The following NRG2 variants were observed in gnomAD, a reference collection of about 807,000 sequenced individuals.
NRG2 encodes the protein neuregulin 2, also known as pro-neuregulin-2, membrane-bound isoform.
Under a neutral mutation model 73.9 loss-of-function variants are expected in NRG2, and 27 were observed. The observed-to-expected ratio is 0.37, with a 90% CI of 0.27 to 0.50. The LOEUF (loss-of-function observed/expected upper bound fraction) is 0.50. Among genes scored for constraint, NRG2 ranks in the 20% least tolerant of loss-of-function variants. The probability of loss-of-function intolerance (pLI) is 0.96; values close to 1 mark genes in which losing one functional copy is unlikely to be tolerated. For synonymous variants in NRG2, 532 were observed against 541.0 expected (o/e 0.98, Z 0.23); for missense variants, 1,126 against 1,210.1 (o/e 0.93, Z 1.03).
chr5:139,967,361 C>A (rs1401124510), intron 1 of NRG2, among the ~76,000 whole-genome samples: 1 of 152,200 alleles, frequency 6.6e-6, no homozygotes, highest in Non-Finnish European at 1.5e-5. Context: ...GACACACATA[C>A]CTCCTCCGCA....
intron 2 of NRG2, among the ~76,000 whole-genome samples, chr5:139,882,623 T>A (rs1299531425): frequency 6.6e-6 from 1 of 151,962 alleles, no homozygotes; most frequent in African/African-American, 2.4e-5. Context: ...TGCCACAAAC[T>A]CCAGCTTGCC....
Position 140,042,392 on chromosome 5 carries a change from GC to G in NRG2, c.677del (p.Gly226AlafsTer14). The G allele has an allele frequency of 6.3e-7, 1 of 1,588,090 alleles. No homozygotes were observed. The highest frequency in any genetic ancestry group is 1.1e-5 in the South Asian group (1 of 87,692). The stretch of plus-strand genomic sequence containing the variant: ...CACCGCAGTCAGTGCACAGGATCTT[GC>G]CCACCTCTTTCTTGAGATTTTTGCC... Reference protein sequence around the residue: ...TNGKNLKKEVGKILCTDCATR... With the variant: ...TNGKNLKKEVXKILCTDCATR... On this transcript the variant is annotated frameshift_variant, in exon 1 of 10. Transcript: ENST00000361474. LOFTEE classifies it high-confidence loss of function.
In NRG2 at chr5:139,928,263, C is replaced by T. The variant is rs143130107; in HGVS notation, c.701-40752G>A. ...TCTTGCCCCATAAGAGCAATGAGCC[C>T]AGGCATCCTGATAGCCTTCTCAGGA... On this transcript the variant is annotated intron_variant, in intron 1 of 9. Coordinates refer to ENST00000361474, the MANE Select transcript of NRG2 (RefSeq NM_004883.3). Among the ~76,000 whole-genome samples the T allele has an allele frequency of 1.2e-3, 181 of 152,304 alleles. 1 individual carries two copies. The highest frequency in any genetic ancestry group is 4.1e-3 in the African/African-American group (172 of 41,570).
At chr5:139,885,687 G>A (rs931819524) in intron 2 of NRG2, among the ~76,000 whole-genome samples, 1 of 151,954 alleles carries the variant, frequency 6.6e-6, no homozygotes, top group Non-Finnish European at 1.5e-5. Context: ...GGAGTGAGTT[G>A]GTGGTACCAG....
chr5:139,862,911 G>T (rs1762247124), intron 5 of NRG2, among the ~76,000 whole-genome samples: 1 of 152,216 alleles, frequency 6.6e-6, no homozygotes, highest in Non-Finnish European at 1.5e-5. Context: ...GCAGTCACAG[G>T]CTCTTTCTTT....
chr5:139,980,131 C>T (rs750897154), intron 1 of NRG2, among the ~76,000 whole-genome samples: 3 of 152,122 alleles, frequency 2.0e-5, no homozygotes, highest in Admixed American at 1.3e-4. Context: ...CCAGGACATC[C>T]GGAGGCAGAT....
intron 1 of NRG2, among the ~76,000 whole-genome samples, chr5:139,957,714 G>C (rs1754743483): frequency 1.3e-5 from 2 of 152,206 alleles, no homozygotes. Flanking sequence ...GATCGAGGAA[G>C]AGCAATTGAA....
At chr5:139,945,091 T>A in intron 1 of NRG2, among the ~76,000 whole-genome samples, 1 of 152,160 alleles carries the variant, frequency 6.6e-6, no homozygotes, top group Non-Finnish European at 1.5e-5. Context: ...GCCCATTTTT[T>A]AATCGAACTG....
rs371711533 is a variant in NRG2, at chr5:139,952,935, G to T, written c.701-65424C>A. On this transcript the variant is annotated intron_variant, in intron 1 of 9. Transcript: ENST00000361474. The stretch of plus-strand genomic sequence containing the variant: ...ATGGAGGGCAAGCTCCCCTGGGTGG[G>T]GGTTGCACAGGAGGAAGTCATAACC... Among the ~76,000 whole-genome samples the T allele has an allele frequency of 1.6e-4, 24 of 152,280 alleles. 2 individuals carry two copies. The highest frequency in any genetic ancestry group is 5.8e-4 in the African/African-American group (24 of 41,564).
Position 139,851,520 on chromosome 5 carries a change from C to T in NRG2, c.1772+84G>A, listed in dbSNP as rs923283462. The stretch of plus-strand genomic sequence containing the variant: ...GGAGATGAGGCTCTTTGGAGTGTTT[C>T]TGAGGGGCCCTAAGGGTCAGCCTTG... On this transcript the variant is annotated intron_variant, in intron 9 of 9. Coordinates refer to ENST00000361474, the MANE Select transcript of NRG2 (RefSeq NM_004883.3). The surrounding 1 kb of genome is among the most constrained non-coding windows in gnomAD (Gnocchi z 4.2). 2.3e-6 allele frequency: 3 copies of T among 1,323,478 alleles called. No homozygotes were observed. The highest frequency in any genetic ancestry group is 1.4e-5 in the African/African-American group (1 of 69,014). 82.0% of individuals were successfully genotyped at this position (1,323,478 alleles called of 1,614,324 possible). A position where few individuals can be genotyped will look rare whatever the true frequency, so the allele number is the denominator to read the frequency against.
intron 1 of NRG2, among the ~76,000 whole-genome samples, chr5:139,950,386 T>C (rs561213906): frequency 2.6e-5 from 4 of 152,350 alleles, no homozygotes; most frequent in South Asian, 2.1e-4. Context: ...ACACCTTCTG[T>C]AGAACATTTA....
chr5:140,030,760 C>T (rs1761076074), intron 1 of NRG2, among the ~76,000 whole-genome samples: 1 of 152,136 alleles, frequency 6.6e-6, no homozygotes, highest in Admixed American at 6.6e-5. Flanking sequence ...CTGGCTCTGC[C>T]CAGATGGTAA....
chr5:139,989,991 T>C lies in NRG2; in HGVS notation c.700+52379A>G, dbSNP rs796553257. 1.7e-4 allele frequency among the ~76,000 whole-genome samples: 25 copies of C among 151,480 alleles called. 1 individual carries two copies. The South Asian group carries it at 3.1e-3, about 19-fold the overall frequency. ...TTTTAGTAGAGACGGGGTTTCACCA[T>C]GTTAGCCAGGATGGTCTTGATCTCC... On this transcript the variant is annotated intron_variant, in intron 1 of 9. Transcript: ENST00000361474.
Position 139,847,953 on chromosome 5 carries a change from C to G in NRG2, c.2517G>C (p.Pro839=). Residue 839 remains proline, a synonymous_variant, in exon 10 of 10, where the codon CCG becomes CCC. Coordinates refer to ENST00000361474, the MANE Select transcript of NRG2 (RefSeq NM_004883.3). ...CCGAGTCCTGCTTGGCCCGCGGGGG[C>G]GGCCCGCGGCTGTGTCTGCTGCTGG... ...TRASSRHSRG[P]PPRAKQDSAP... The G allele has an allele frequency of 6.6e-7, 1 of 1,506,414 alleles. No individual in the cohort carries two copies. Among genetic ancestry groups the G allele is most frequent in the South Asian group, 1.2e-5 (1 of 80,404 alleles). 93.3% of individuals were successfully genotyped at this position (1,506,414 alleles called of 1,614,324 possible).
At chr5:139,911,747 C>T (rs1043358652) in intron 1 of NRG2, among the ~76,000 whole-genome samples, 2 of 152,186 alleles carry the variant, frequency 1.3e-5, no homozygotes, top group Admixed American at 6.5e-5. Flanking sequence ...GAGGTGGGAG[C>T]CTGTCTACCT....
At chr5:139,895,001 TA>T (rs962940922) in intron 1 of NRG2, among the ~76,000 whole-genome samples, 1 of 152,088 alleles carries the variant, frequency 6.6e-6, no homozygotes, top group African/African-American at 2.4e-5. Flanking sequence ...GGAGGGCAGA[TA>T]AAGAAGAAGG....
At chr5:140,013,752 A>G (rs894943502) in intron 1 of NRG2, among the ~76,000 whole-genome samples, 1 of 152,130 alleles carries the variant, frequency 6.6e-6, no homozygotes, top group African/African-American at 2.4e-5. Context: ...TGGCATCCAC[A>G]TTGCCAAACC....
At chr5:139,931,880 A>G (rs1398485587) in intron 1 of NRG2, among the ~76,000 whole-genome samples, 1 of 152,252 alleles carries the variant, frequency 6.6e-6, no homozygotes, top group African/African-American at 2.4e-5. Context: ...TAAAACCACA[A>G]CGAGCTATCA....
At position 139,938,386 on chromosome 5, in the gene NRG2, T is replaced by C. The variant is rs557552976; in HGVS notation, c.701-50875A>G. Among the ~76,000 whole-genome samples, 3 of 152,146 alleles carry C rather than the reference T, an allele frequency of 2.0e-5. No homozygotes were observed. The East Asian group carries it at 5.8e-4, about 29-fold the overall frequency. On this transcript the variant is annotated intron_variant, in intron 1 of 9. Transcript: ENST00000361474. ...ACTTTTTTTTTTTTGAGACAGGGTC[T>C]TGTTCTGTCTCCCAGGCTGGAGTGC...
Sources: gnomAD v4.1 joint callset for allele counts (sites outside exome capture counted in the v4.1 genomes callset) on GRCh38, gnomAD v4.1.1 for gene constraint, Gnocchi (gnomAD v3.1) non-coding constraint, MANE v1.5 for transcripts, NCBI Gene and HGNC (gene_info 2026-07-23, HGNC 2026-07-21) for gene names.